Variants in CELA1 observed in about 807,000 individuals in gnomAD.
CELA1 encodes chymotrypsin like elastase 1, also known as chymotrypsin-like elastase family member 1.
Under a neutral mutation model 34.8 loss-of-function variants are expected in CELA1, and 28 were observed. The ratio of observed to expected loss-of-function variants is 0.80; its 90% CI spans 0.60 to 1.10. The LOEUF (loss-of-function observed/expected upper bound fraction) is 1.10, where lower values mean the gene tolerates loss of function less well. CELA1 is among the 50% of genes least tolerant of loss of function. The pLI, the probability that CELA1 is intolerant of heterozygous loss-of-function variation, is 0.00. For missense variants in CELA1, 288 were observed against 327.5 expected (o/e 0.88, Z 0.93); for synonymous variants, 140 against 129.8 (o/e 1.08, Z -0.53).
chr12:51,345,846 A>G lies in CELA1; in HGVS notation c.48T>C (p.Asn16=). 6.4e-7 allele frequency: 1 copy of G among 1,555,128 alleles called. No individual in the cohort carries two copies. Residue 16 remains asparagine, a synonymous_variant, in exon 2 of 8, where the codon AAT becomes AAC. Coordinates refer to ENST00000293636, the MANE Select transcript of CELA1 (RefSeq NM_001971.6). ...GHSTQDLPET[N]ARVVGGTEAG... is the part of the protein sequence containing the mutation. ...CCTCAGTCCCTCCGACTACGCGGGC[A>G]TTGGTTTCCGGAAGGTCCTGGGTGC...
Position 51,342,623 on chromosome 12 carries a change from T to C in CELA1, c.278A>G (p.Gln93Arg), listed in dbSNP as rs1053848953. ...CCAGTATGGATGCACCACGATCTTC[T>C]GCACACTCACGTACTGCTCAGTGCC... Reference protein sequence around the residue: ...NDGTEQYVSVQKIVVHPYWNS... With the variant: ...NDGTEQYVSVRKIVVHPYWNS... Residue 93 changes from glutamine to arginine, a missense_variant, in exon 4 of 8, where the codon CAG (glutamine) becomes CGG (arginine). Transcript: ENST00000293636. The C allele has an allele frequency of 6.2e-7, 1 of 1,614,192 alleles. No individual in the cohort carries two copies. The highest frequency in any genetic ancestry group is 8.5e-7 in the Non-Finnish European group (1 of 1,180,030).
intron 2 of CELA1, 61 bp downstream of exon 2, chr12:51,345,734 C>T: frequency 8.7e-7 from 1 of 1,155,762 alleles, no homozygotes; most frequent in South Asian, 1.3e-5. Context: ...CACATGATAC[C>T]TTATGTCATG....
intron 6 of CELA1, among the ~76,000 whole-genome samples, chr12:51,336,269 C>T (rs879812809): frequency 2.0e-5 from 3 of 152,176 alleles, no homozygotes; most frequent in Non-Finnish European, 4.4e-5. Context: ...TCTCATTGAA[C>T]AGTTTTTCCC....
rs1192244420 is a variant in CELA1, at chr12:51,338,273, CACACACACACACACAT to C, written c.609+1571_609+1586del. On this transcript the variant is annotated intron_variant, in intron 6 of 7. Transcript: ENST00000293636. ...AAAAACATACACACACACACACACACACACACACACACACATACACATACGCATACATATATATATA... is the reference window on the plus strand; with the variant it reads ...AAAAACATACACACACACACACACACACACATACGCATACATATATATATA... Among the ~76,000 whole-genome samples, 24 of 47,248 alleles carry C rather than the reference CACACACACACACACAT, an allele frequency of 5.1e-4. No individual in the cohort carries two copies. The South Asian group carries it at 0.023, about 45-fold the overall frequency. The allele number at this position is 47,248 out of a possible 152,430, so 31.0% of individuals were successfully genotyped here.
At chr12:51,344,327 G>C (rs1018323744) in intron 2 of CELA1, among the ~76,000 whole-genome samples, 1 of 152,148 alleles carries the variant, frequency 6.6e-6, no homozygotes, top group East Asian at 1.9e-4. Flanking sequence ...TATCTCTCTA[G>C]GTTGTTGCAA....
At chr12:51,339,839 G>A (rs963834326) in intron 6 of CELA1, 21 bp downstream of exon 6, 1 of 1,594,134 alleles carries the variant, frequency 6.3e-7, no homozygotes, top group Admixed American at 1.7e-5. Flanking sequence ...ACCTGGGGTG[G>A]GACCCCCTGC....
At chr12:51,344,335 C>G (rs1213660390) in intron 2 of CELA1, among the ~76,000 whole-genome samples, 1 of 152,196 alleles carries the variant, frequency 6.6e-6, no homozygotes, top group African/African-American at 2.4e-5. Flanking sequence ...TAGGTTGTTG[C>G]AATGGACCTA....
At chr12:51,346,162 C>A (rs1187034319) in intron 1 of CELA1, among the ~76,000 whole-genome samples, 6 of 151,954 alleles carry the variant, frequency 3.9e-5, no homozygotes, top group African/African-American at 1.5e-4. Flanking sequence ...GTGGTCTCCT[C>A]TTTGCTCAAG....
Position 51,328,589 on chromosome 12 carries a change from G to A in CELA1, c.765C>T (p.Ile255=), listed in dbSNP as rs147038034. The A allele has an allele frequency of 4.2e-4, 681 of 1,614,056 alleles. 9 individuals are homozygous for A. The South Asian group carries it at 7.1e-3, about 17-fold the overall frequency. ...SAYISWINNV[I]ASN ...CTCAGGAAAATGTTCAGTTGGAGGC[G>A]ATGACCTGAAGGAAAGACAGTTATG... Residue 255 remains isoleucine (I), a synonymous_variant, in exon 8 of 8, where the codon ATC becomes ATT. Transcript: ENST00000293636.
chr12:51,329,680 T>A lies in CELA1; in HGVS notation c.759+4A>T, dbSNP rs1946457138. On this transcript the variant is annotated splice_donor_region_variant and intron_variant, in intron 7 of 7. Coordinates refer to ENST00000293636, the MANE Select transcript of CELA1 (RefSeq NM_001971.6). Reference sequence around the variant, plus strand: ...ATTTCAACCCATCATTTGAGAGGACTCACATTATTTATCCAGGAGATGTAA... The same window carrying A: ...ATTTCAACCCATCATTTGAGAGGACACACATTATTTATCCAGGAGATGTAA... 6.2e-7 allele frequency: 1 copy of A among 1,606,186 alleles called. No individual in the cohort carries two copies. The highest frequency in any genetic ancestry group is 8.5e-7 in the Non-Finnish European group (1 of 1,176,544).
chr12:51,331,704 C>A (rs1016792939), intron 6 of CELA1, among the ~76,000 whole-genome samples: 1 of 152,168 alleles, frequency 6.6e-6, no homozygotes, highest in Non-Finnish European at 1.5e-5. Context: ...GGAAAACCCA[C>A]CCATTAAGTA....
At chr12:51,333,810 A>G (rs1016152648) in intron 6 of CELA1, among the ~76,000 whole-genome samples, 1 of 152,196 alleles carries the variant, frequency 6.6e-6, no homozygotes, top group African/African-American at 2.4e-5. Context: ...CCAAAATTCT[A>G]TCAGGGATTT....
chr12:51,334,283 C>T (rs1253828061), intron 6 of CELA1, among the ~76,000 whole-genome samples: 3 of 152,180 alleles, frequency 2.0e-5, no homozygotes, highest in Non-Finnish European at 4.4e-5. Flanking sequence ...TTGCATTATG[C>T]ATTAGTCTAT....
intron 2 of CELA1, 103 bp downstream of exon 2, chr12:51,345,692 G>T (rs1946561399): frequency 1.2e-6 from 1 of 865,730 alleles, no homozygotes; most frequent in South Asian, 1.4e-5. Context: ...GACAATTGGA[G>T]AGCTGCTTGT....
chr12:51,330,359 C>T (rs1391040803), intron 6 of CELA1, among the ~76,000 whole-genome samples: 3 of 152,186 alleles, frequency 2.0e-5, no homozygotes, highest in Non-Finnish European at 4.4e-5. Flanking sequence ...GTCACATGCT[C>T]AACTGGGAAC....
In CELA1 at chr12:51,342,568, C is replaced by T. The variant is rs1342217599; in HGVS notation, c.326+7G>A. ...CCAGCCCAGGGCCAGCTTGGACTTG[C>T]TCCTACCCGGCAGCCACGTTATCGC... On this transcript the variant is annotated splice_region_variant and intron_variant, in intron 4 of 7. Transcript: ENST00000293636. 6.2e-7 allele frequency: 1 copy of T among 1,614,114 alleles called. No homozygotes were observed. The highest frequency in any genetic ancestry group is 8.5e-7 in the Non-Finnish European group (1 of 1,180,004).
intron 2 of CELA1, among the ~76,000 whole-genome samples, chr12:51,344,835 C>T (rs1222755037): frequency 2.6e-5 from 4 of 151,804 alleles, no homozygotes; most frequent in African/African-American, 9.7e-5. Context: ...TTAGAAATAC[C>T]AATGGGAGGC....
intron 4 of CELA1, among the ~76,000 whole-genome samples, chr12:51,341,674 G>A (rs368963228): frequency 3.3e-5 from 5 of 152,304 alleles, no homozygotes; most frequent in African/African-American, 1.2e-4. Context: ...AGAGTGGCAT[G>A]ATCTTGGTGG....
intron 3 of CELA1, among the ~76,000 whole-genome samples, chr12:51,343,063 G>T (rs914141841): frequency 7.2e-5 from 11 of 151,996 alleles, no homozygotes; most frequent in African/African-American, 2.4e-4. Context: ...CTAACTTGTG[G>T]AAGTGAAAAA....
Sources: gnomAD v4.1 joint callset for allele counts (sites outside exome capture counted in the v4.1 genomes callset) on GRCh38, gnomAD v4.1.1 for gene constraint, MANE v1.5 for transcripts, NCBI Gene and HGNC (gene_info 2026-07-23, HGNC 2026-07-21) for gene names.